NFIA: variants seen among roughly 807,000 people sequenced by gnomAD.
The protein encoded by NFIA is nuclear factor I A.
NFIA carries 8 observed loss-of-function variants against 62.8 expected under a neutral mutation model. The observed-to-expected ratio is 0.13, with a 90% CI of 0.07 to 0.23. NFIA has a LOEUF of 0.23. Ranked by LOEUF, NFIA falls within the 10% of genes least tolerant of loss-of-function variation. The pLI, the probability that NFIA is intolerant of heterozygous loss-of-function variation, is 1.00. For synonymous variants in NFIA, 235 were observed against 238.1 expected (o/e 0.99, Z 0.12); for missense variants, 410 against 642.1 (o/e 0.64, Z 3.91).
intron 2 of NFIA, among the ~76,000 whole-genome samples, chr1:61,269,614 T>A (rs1473031385): frequency 6.6e-6 from 1 of 152,174 alleles, no homozygotes; most frequent in Non-Finnish European, 1.5e-5. Context: ...TTCATGGGAT[T>A]ATGGTCACTG....
At chr1:61,108,088 C>G (rs746872678) in intron 2 of NFIA, among the ~76,000 whole-genome samples, 1 of 151,604 alleles carries the variant, frequency 6.6e-6, no homozygotes, top group Admixed American at 6.6e-5. Context: ...AAATTTCACA[C>G]CTCTTTTTGA....
At chr1:61,207,824 G>C (rs1450953363) in intron 2 of NFIA, among the ~76,000 whole-genome samples, 1 of 152,074 alleles carries the variant, frequency 6.6e-6, no homozygotes, top group Non-Finnish European at 1.5e-5. Flanking sequence ...TAAAAGATTA[G>C]AGCATACTTC....
chr1:61,249,730 G>A (rs573477891), intron 2 of NFIA, among the ~76,000 whole-genome samples: 2 of 152,120 alleles, frequency 1.3e-5, no homozygotes, highest in African/African-American at 2.4e-5. Context: ...GCTTGAACCC[G>A]GGAGGCGGAG....
chr1:61,330,436 A>ACCCCCCC (rs56688086), intron 3 of NFIA, among the ~76,000 whole-genome samples: 12 of 63,520 alleles, frequency 1.9e-4, no homozygotes, highest in African/African-American at 3.0e-4. Flanking sequence ...AAATAGATAC[A>ACCCCCCC]CCCCCCCCAC....
At chr1:61,357,524 TC>T (rs968357500) in intron 5 of NFIA, among the ~76,000 whole-genome samples, 10 of 152,156 alleles carry the variant, frequency 6.6e-5, no homozygotes, top group Non-Finnish European at 1.5e-4. Flanking sequence ...CCTTCATTCT[TC>T]CCTGTCTCCT....
intron 3 of NFIA, among the ~76,000 whole-genome samples, chr1:61,291,396 C>G (rs967728270): frequency 1.3e-5 from 2 of 152,162 alleles, no homozygotes; most frequent in Admixed American, 6.5e-5. Context: ...ATAGCCCAAT[C>G]ACATGTAAGT....
intron 2 of NFIA, among the ~76,000 whole-genome samples, chr1:61,099,689 G>A (rs535512020): frequency 9.2e-5 from 14 of 152,282 alleles, no homozygotes; most frequent in Admixed American, 5.9e-4. Flanking sequence ...GGAAATAGAC[G>A]TTCAGAGAGC....
chr1:61,090,038 C>G (rs1408482792), intron 2 of NFIA, among the ~76,000 whole-genome samples: 1 of 152,146 alleles, frequency 6.6e-6, no homozygotes, highest in Non-Finnish European at 1.5e-5. Context: ...TTGCCTTTTG[C>G]TTTAGCCAAT....
At chr1:61,189,808 C>T (rs1349368472) in intron 2 of NFIA, among the ~76,000 whole-genome samples, 2 of 152,220 alleles carry the variant, frequency 1.3e-5, no homozygotes, top group Admixed American at 1.3e-4. Flanking sequence ...TTCTTACATC[C>T]GAGGAGACTG....
chr1:61,237,301 G>T (rs989453455), intron 2 of NFIA, among the ~76,000 whole-genome samples: 4 of 152,158 alleles, frequency 2.6e-5, no homozygotes, highest in Admixed American at 6.5e-5. Flanking sequence ...ATTTCCATAG[G>T]TTATTGGGGA....
chr1:61,376,914 G>T (rs1033977902), intron 6 of NFIA, among the ~76,000 whole-genome samples: 5 of 152,166 alleles, frequency 3.3e-5, no homozygotes, highest in Admixed American at 3.3e-4. Flanking sequence ...ACCTATCTCA[G>T]ATGAAAATGT....
intron 10 of NFIA, among the ~76,000 whole-genome samples, chr1:61,427,862 CT>C (rs1189938028): frequency 6.6e-6 from 1 of 152,208 alleles, no homozygotes; most frequent in African/African-American, 2.4e-5. Flanking sequence ...TCACAAAATT[CT>C]TTCAGTTATT....
intron 2 of NFIA, among the ~76,000 whole-genome samples, chr1:61,195,578 C>T (rs1172663273): frequency 6.6e-6 from 1 of 152,064 alleles, no homozygotes; most frequent in African/African-American, 2.4e-5. Context: ...AATTTGGCTA[C>T]CTCATCCATT....
chr1:61,121,417 G>A (rs2100470970), intron 2 of NFIA, among the ~76,000 whole-genome samples: 1 of 152,154 alleles, frequency 6.6e-6, no homozygotes, highest in South Asian at 2.1e-4. Context: ...GGAGTAAAAT[G>A]CGTGCACAGG....
chr1:61,305,385 A>C (rs17121930), intron 3 of NFIA, among the ~76,000 whole-genome samples: 2,073 of 152,296 alleles, frequency 0.014, 31 homozygotes, highest in African/African-American at 0.047. Flanking sequence ...TCCGTTAAAC[A>C]CAAGACGGCC....
chr1:61,342,850 C>G (rs2100413584), intron 4 of NFIA, among the ~76,000 whole-genome samples: 1 of 152,346 alleles, frequency 6.6e-6, no homozygotes, highest in East Asian at 1.9e-4. Flanking sequence ...CTTCTTCTGT[C>G]ACTTACTTAG....
chr1:61,363,922 T>C (rs2100451960), intron 6 of NFIA, among the ~76,000 whole-genome samples: 1 of 151,122 alleles, frequency 6.6e-6, no homozygotes, highest in Middle Eastern at 3.4e-3. Context: ...CAACACTGTT[T>C]TGCTTTCTTT....
intron 5 of NFIA, among the ~76,000 whole-genome samples, chr1:61,353,592 T>C (rs1448927765): frequency 2.0e-5 from 3 of 152,340 alleles, no homozygotes; most frequent in Admixed American, 2.0e-4. Flanking sequence ...CTGAGTCTTA[T>C]GATTTAAAAC....
At chr1:61,213,111 G>A (rs333151) in intron 2 of NFIA, among the ~76,000 whole-genome samples, 46,889 of 152,010 alleles carry the variant, frequency 0.31, 8,111 homozygotes, top group African/African-American at 0.47. Context: ...GACAAAAATC[G>A]GGAAAGTATA....
Sources: allele counts gnomAD v4.1 joint callset (sites outside exome capture counted in the v4.1 genomes callset), GRCh38; gene constraint gnomAD v4.1.1; transcripts MANE v1.5; gene names NCBI Gene and HGNC (gene_info 2026-07-23, HGNC 2026-07-21).